DNAAF1: variants seen among roughly 807,000 people sequenced by gnomAD.
DNAAF1 encodes dynein axonemal assembly factor 1.
In DNAAF1, 65 loss-of-function variants were observed where a neutral mutation model predicts 71.1. That is an observed-to-expected ratio of 0.91 (90% CI 0.75 to 1.12). DNAAF1 has a LOEUF of 1.12. Among genes scored for constraint, DNAAF1 ranks in the 50% most tolerant of loss-of-function variants. The probability of loss-of-function intolerance (pLI) is 0.00; values close to 1 mark genes in which losing one functional copy is unlikely to be tolerated. For missense variants in DNAAF1, 1,178 were observed against 899.8 expected, an observed-to-expected ratio of 1.31 and a Z score of -3.96; for synonymous variants, 414 against 354.6, an observed-to-expected ratio of 1.17 and a Z score of -1.88.
intron 1 of DNAAF1, among the ~76,000 whole-genome samples, chr16:84,145,922 C>A (rs954949248): frequency 6.6e-6 from 1 of 152,020 alleles, no homozygotes; most frequent in Non-Finnish European, 1.5e-5. Flanking sequence ...ATAGTGAAAC[C>A]CTGTCTCTAC....
chr16:84,156,096 G>C (rs951181240), intron 5 of DNAAF1, among the ~76,000 whole-genome samples: 1 of 152,050 alleles, frequency 6.6e-6, no homozygotes, highest in Non-Finnish European at 1.5e-5. Context: ...CCGAGTAGCT[G>C]GGATTTCAGG....
chr16:84,154,122 G>C (rs1453474754), intron 3 of DNAAF1, among the ~76,000 whole-genome samples: 1 of 152,178 alleles, frequency 6.6e-6, no homozygotes, highest in Non-Finnish European at 1.5e-5. Context: ...TGGATGCCAG[G>C]TAGGCAGGTG....
At chr16:84,170,677 C>G (rs951729731) in intron 8 of DNAAF1, among the ~76,000 whole-genome samples, 1 of 152,142 alleles carries the variant, frequency 6.6e-6, no homozygotes, top group African/African-American at 2.4e-5. Context: ...ACCAAAACTA[C>G]AAAAATTAGC....
intron 7 of DNAAF1, among the ~76,000 whole-genome samples, chr16:84,169,646 C>G (rs531508871): frequency 1.3e-5 from 2 of 152,188 alleles, no homozygotes; most frequent in East Asian, 3.9e-4. Flanking sequence ...GTTTTGAACT[C>G]CTGGCCTCAA....
intron 4 of DNAAF1, 105 bp downstream of exon 4, chr16:84,154,903 T>C: frequency 9.3e-7 from 1 of 1,073,310 alleles, no homozygotes; most frequent in Non-Finnish European, 1.4e-6. Context: ...GGTGTTTTTT[T>C]TTGTCTTTTT....
chr16:84,160,672 T>C lies in DNAAF1; in HGVS notation c.863+876T>C, dbSNP rs144258266. Among the ~76,000 whole-genome samples, 1,478 of 151,736 alleles carry C rather than the reference T, an allele frequency of 9.7e-3. 15 individuals carry two copies. The highest frequency in any genetic ancestry group is 0.032 in the South Asian group (155 of 4,794). On this transcript the variant is annotated intron_variant, in intron 6 of 11. Coordinates refer to ENST00000378553, the MANE Select transcript of DNAAF1 (RefSeq NM_178452.6). ...AACCAGGGCCGGGCGTGGTGGCTCA[T>C]GTCTGTAATCCCAGCACTTTGGGAG...
At chr16:84,177,648 T>C in intron 11 of DNAAF1, 81 bp from the exon 12 acceptor site, 1 of 1,252,746 alleles carries the variant, frequency 8.0e-7, no homozygotes, top group Non-Finnish European at 1.2e-6. Flanking sequence ...GAATTTGGCC[T>C]GGACTGAACC....
At chr16:84,166,370 C>CTTTTTTTTTTT (rs535417461) in intron 7 of DNAAF1, among the ~76,000 whole-genome samples, 3 of 118,806 alleles carry the variant, frequency 2.5e-5, no homozygotes, top group Non-Finnish European at 1.7e-5. Context: ...TTCTTTTTTT[C>CTTTTTTTTTTT]TTTTTTTTTT....
chr16:84,159,588 G>T, intron 5 of DNAAF1, 87 bp from the exon 6 acceptor site: 1 of 1,515,856 alleles, frequency 6.6e-7, no homozygotes, highest in Non-Finnish European at 8.9e-7. Context: ...AATAGATTTT[G>T]TTCATTTATT....
intron 6 of DNAAF1, among the ~76,000 whole-genome samples, chr16:84,165,179 A>C (rs900444381): frequency 1.3e-5 from 2 of 151,988 alleles, no homozygotes; most frequent in Non-Finnish European, 2.9e-5. Flanking sequence ...TTTTTTTGCA[A>C]ATATTTTCTC....
chr16:84,172,827 C>G (rs1030338443), intron 9 of DNAAF1: 1 of 1,044,612 alleles, frequency 9.6e-7, no homozygotes, highest in Non-Finnish European at 1.2e-6. Context: ...AGCTTAGGCT[C>G]TCACTGGCCT....
At chr16:84,164,688 T>C (rs763528647) in intron 6 of DNAAF1, among the ~76,000 whole-genome samples, 173 of 152,240 alleles carry the variant, frequency 1.1e-3, no homozygotes, top group Admixed American at 5.0e-3. Flanking sequence ...CTTGGTCACT[T>C]CTAGTTTTTG....
intron 6 of DNAAF1, among the ~76,000 whole-genome samples, chr16:84,164,378 G>C (rs1264993561): frequency 2.0e-5 from 3 of 152,158 alleles, no homozygotes; most frequent in Admixed American, 1.3e-4. Flanking sequence ...TCACAGAATA[G>C]TTTTACTGCC....
chr16:84,157,313 A>G (rs558627022), intron 5 of DNAAF1, among the ~76,000 whole-genome samples: 5 of 151,984 alleles, frequency 3.3e-5, no homozygotes, highest in Admixed American at 1.3e-4. Flanking sequence ...ACTTGAGGCC[A>G]GGAGTTTGAG....
intron 7 of DNAAF1, 62 bp downstream of exon 7, chr16:84,166,011 C>A: frequency 6.7e-7 from 1 of 1,495,336 alleles, no homozygotes; most frequent in Admixed American, 1.7e-5. Flanking sequence ...AGTCTAAGCT[C>A]TCAAACCCAG....
chr16:84,168,536 C>G (rs377129990), intron 7 of DNAAF1, among the ~76,000 whole-genome samples: 12 of 152,218 alleles, frequency 7.9e-5, no homozygotes, highest in African/African-American at 2.9e-4. Flanking sequence ...CCTCGGCCTC[C>G]CAAAGTGCTG....
At chr16:84,159,244 C>T (rs2087587352) in intron 5 of DNAAF1, 10 of 1,070,342 alleles carry the variant, frequency 9.3e-6, no homozygotes, top group Non-Finnish European at 1.1e-5. Flanking sequence ...TTCCCTTAGT[C>T]ACTGCTGCTT....
chr16:84,174,106 A>C, intron 9 of DNAAF1: 1 of 894,158 alleles, frequency 1.1e-6, no homozygotes, highest in Non-Finnish European at 1.3e-6. Context: ...ACTTGCCCAA[A>C]GCCAGACAGC....
chr16:84,154,631 T>G lies in DNAAF1; in HGVS notation c.407T>G (p.Leu136Arg). ...EEYTGLRCLW[L>R]QSNGIQKIEN... ...TACACAGGGCTGCGCTGTCTCTGGC[T>G]GCAGAGCAATGGAATACAGAAAATC... The change falls in exon 4 of 12, where the codon CTG becomes CGG. Residue 136 changes from leucine (L) to arginine (R), a missense_variant. By Grantham distance (102) the Leu-to-Arg change is moderately radical. Coordinates refer to ENST00000378553, the MANE Select transcript of DNAAF1 (RefSeq NM_178452.6). 6.2e-7 allele frequency: 1 copy of G among 1,614,216 alleles called. No homozygotes were observed. The highest frequency in any genetic ancestry group is 8.5e-7 in the Non-Finnish European group (1 of 1,180,044).
Sources: gnomAD v4.1 joint callset for allele counts (sites outside exome capture counted in the v4.1 genomes callset) on GRCh38, gnomAD v4.1.1 for gene constraint, MANE v1.5 for transcripts, NCBI Gene and HGNC (gene_info 2026-07-23, HGNC 2026-07-21) for gene names.